The following SAMD13 variants were observed in gnomAD, a reference collection of about 807,000 sequenced individuals.
The protein encoded by SAMD13 is sterile alpha motif domain-containing protein 13.
SAMD13 carries 9 observed loss-of-function variants against 12.4 expected under a neutral mutation model. That is an observed-to-expected ratio of 0.72 (90% confidence interval 0.44 to 1.26). The LOEUF is 1.26. Ranked by LOEUF, SAMD13 falls within the 50% of genes most tolerant of loss-of-function variation. The pLI is 0.00. For synonymous variants in SAMD13, 46 were observed against 45.4 expected, an observed-to-expected ratio of 1.01 and a Z score of -0.05; for missense variants, 84 against 119.6, an observed-to-expected ratio of 0.70 and a Z score of 1.39.
At chr1:84,323,734 A>G (rs548147250) in intron 2 of SAMD13, among the ~76,000 whole-genome samples, 2 of 152,236 alleles carry the variant, frequency 1.3e-5, no homozygotes, top group African/African-American at 4.8e-5. Flanking sequence ...AATCTAGCCA[A>G]TTTTGTTTCC....
intron 2 of SAMD13, among the ~76,000 whole-genome samples, chr1:84,315,881 G>A (rs1212463494): frequency 6.6e-6 from 1 of 152,000 alleles, no homozygotes; most frequent in African/African-American, 2.4e-5. Context: ...GCCAACATTT[G>A]TCATTGTTGT....
chr1:84,325,814 A>G, intron 3 of SAMD13, 66 bp downstream of exon 3: 1 of 943,280 alleles, frequency 1.1e-6, no homozygotes. Flanking sequence ...CCTTCCCAAC[A>G]GTGGGCAGAA....
chr1:84,309,585 A>G (rs17131581), intron 2 of SAMD13, among the ~76,000 whole-genome samples: 4,835 of 152,266 alleles, frequency 0.032, 96 homozygotes, highest in South Asian at 0.071. Flanking sequence ...TTATGGGTCA[A>G]TATGATTTTG....
chr1:84,299,363 C>G (rs1678390438), upstream of SAMD13, among the ~76,000 whole-genome samples: 1 of 152,196 alleles, frequency 6.6e-6, no homozygotes, highest in Non-Finnish European at 1.5e-5. Context: ...CTCCAGAATA[C>G]TGACACCAAA....
chr1:84,335,957 T>A (rs746891432), intron 3 of SAMD13, among the ~76,000 whole-genome samples: 3 of 152,198 alleles, frequency 2.0e-5, no homozygotes, highest in Non-Finnish European at 2.9e-5. Context: ...ACTTGCCCCT[T>A]GTCTTTATCT....
At chr1:84,332,967 A>C (rs564818546) in intron 3 of SAMD13, among the ~76,000 whole-genome samples, 1 of 152,214 alleles carries the variant, frequency 6.6e-6, no homozygotes, top group African/African-American at 2.4e-5. Flanking sequence ...TTCTCCCAGC[A>C]CCATTTGTTG....
chr1:84,336,838 G>T (rs116332909), intron 3 of SAMD13, among the ~76,000 whole-genome samples: 1,524 of 152,284 alleles, frequency 0.01, 29 homozygotes, highest in African/African-American at 0.035. Context: ...AAAATCAAAA[G>T]CAGTTAGTTA....
At chr1:84,299,673 A>C, upstream of SAMD13, 1 of 900,498 alleles carries the variant, frequency 1.1e-6, no homozygotes, top group Non-Finnish European at 1.5e-6. Context: ...ATATATATAT[A>C]TATTTATTTA....
chr1:84,302,575 CA>C, intron 1 of SAMD13: 1 of 676,746 alleles, frequency 1.5e-6, no homozygotes, highest in South Asian at 6.6e-5. Context: ...CACACACACA[CA>C]CCAGCACCAC....
intron 2 of SAMD13, among the ~76,000 whole-genome samples, chr1:84,305,282 G>A (rs960715052): frequency 6.6e-6 from 1 of 151,940 alleles, no homozygotes; most frequent in Admixed American, 6.6e-5. Flanking sequence ...CTTTTCCTGT[G>A]CTTATTTGCC....
chr1:84,306,837 A>C (rs913878562), intron 2 of SAMD13, among the ~76,000 whole-genome samples: 16 of 146,268 alleles, frequency 1.1e-4, no homozygotes, highest in African/African-American at 4.1e-4. Flanking sequence ...TCAAAATAAT[A>C]ATAATAATAA....
upstream of SAMD13, chr1:84,301,516 T>G (rs771415764): frequency 2.0e-5 from 13 of 658,024 alleles, no homozygotes; most frequent in Non-Finnish European, 2.3e-5. Flanking sequence ...GGTTTTGGAC[T>G]CCTTACTCAT....
At chr1:84,347,356 C>T (rs886483163) in intron 3 of SAMD13, among the ~76,000 whole-genome samples, 3 of 152,190 alleles carry the variant, frequency 2.0e-5, no homozygotes, top group African/African-American at 7.2e-5. Context: ...AGTGTGTCTA[C>T]TGAACAAAGG....
intron 1 of SAMD13, chr1:84,302,808 A>C: frequency 4.0e-6 from 1 of 253,068 alleles, no homozygotes; most frequent in Non-Finnish European, 6.0e-6. Context: ...AAAACAAATC[A>C]AAGCCCATAA....
At chr1:84,335,260 ATCT>A (rs1291602615) in intron 3 of SAMD13, among the ~76,000 whole-genome samples, 6 of 152,254 alleles carry the variant, frequency 3.9e-5, no homozygotes, top group Admixed American at 3.9e-4. Context: ...GGATAGTTAC[ATCT>A]TCTTGTTGAA....
chr1:84,331,118 A>G (rs1242918118), intron 3 of SAMD13, among the ~76,000 whole-genome samples: 1 of 152,054 alleles, frequency 6.6e-6, no homozygotes, highest in Non-Finnish European at 1.5e-5. Context: ...AAAATTTCTT[A>G]TGGCTACATA....
At chr1:84,347,753 G>C (rs899219500) in intron 3 of SAMD13, among the ~76,000 whole-genome samples, 1 of 152,108 alleles carries the variant, frequency 6.6e-6, no homozygotes, top group Admixed American at 6.6e-5. Context: ...TCTTCAGCAC[G>C]GCTACTGTGG....
At chr1:84,336,035 A>C (rs1022650732) in intron 3 of SAMD13, among the ~76,000 whole-genome samples, 1 of 152,090 alleles carries the variant, frequency 6.6e-6, no homozygotes, top group African/African-American at 2.4e-5. Flanking sequence ...GGGGATGGTC[A>C]TTTTGTATAG....
intron 3 of SAMD13, among the ~76,000 whole-genome samples, chr1:84,341,716 A>C (rs1015346515): frequency 6.6e-6 from 1 of 152,164 alleles, no homozygotes; most frequent in Non-Finnish European, 1.5e-5. Flanking sequence ...TGGAGTTGAC[A>C]TAAAAAAAAT....
Sources: gnomAD v4.1 joint callset for allele counts (sites outside exome capture counted in the v4.1 genomes callset) on GRCh38, gnomAD v4.1.1 for gene constraint, MANE v1.5 for transcripts, NCBI Gene and HGNC (gene_info 2026-07-23, HGNC 2026-07-21) for gene names.